Variants in NRXN2 observed in about 807,000 individuals in gnomAD.
The protein encoded by NRXN2 is neurexin 2.
A neutral mutation model predicts 128.8 loss-of-function variants in NRXN2; 29 were observed. That is an observed-to-expected ratio of 0.23 (90% CI 0.17 to 0.31). The LOEUF (loss-of-function observed/expected upper bound fraction) is 0.31. Ranked by LOEUF, NRXN2 falls within the 10% of genes least tolerant of loss-of-function variation. The probability of loss-of-function intolerance (pLI) is 1.00; values close to 1 mark genes in which losing one functional copy is unlikely to be tolerated. For synonymous variants in NRXN2, 1,098 were observed against 1,075.2 expected (o/e 1.02, Z -0.41); for missense variants, 1,881 against 2,452.6 (o/e 0.77, Z 4.92).
chr11:64,650,351 G>A (rs1179866468), intron 15 of NRXN2, 97 bp downstream of exon 15: 6 of 1,271,096 alleles, frequency 4.7e-6, no homozygotes, highest in Middle Eastern at 2.2e-4. Context: ...TGGGGGCAGG[G>A]AACCGAGGGA....
chr11:64,684,685 G>C (rs546096569), intron 6 of NRXN2, among the ~76,000 whole-genome samples: 7 of 152,304 alleles, frequency 4.6e-5, no homozygotes, highest in Non-Finnish European at 8.8e-5. Flanking sequence ...AGGATGACAG[G>C]AGGAGAGACA....
intron 17 of NRXN2, among the ~76,000 whole-genome samples, chr11:64,643,814 C>G (rs923258569): frequency 1.3e-5 from 2 of 151,980 alleles, no homozygotes; most frequent in African/African-American, 4.8e-5. Flanking sequence ...GAGAAGGGAC[C>G]CTGCTGAATA....
At position 64,650,654 on chromosome 11, in the gene NRXN2, G is replaced by A; in HGVS notation, c.2919-16C>T. The A allele has an allele frequency of 6.2e-7, 1 of 1,613,596 alleles. No homozygotes were observed. The highest frequency in any genetic ancestry group is 8.5e-7 in the Non-Finnish European group (1 of 1,179,538). ...GTGGATGTACCTGCCCCACAGTAGG[G>A]AGGAGACACTGGGTCAGGGCGGGGG... On this transcript the variant is annotated splice_polypyrimidine_tract_variant and intron_variant, in intron 14 of 22. Coordinates refer to ENST00000265459, the MANE Select transcript of NRXN2 (RefSeq NM_015080.4).
At chr11:64,676,960 AC>A (rs751937010) in intron 7 of NRXN2, 32 bp downstream of exon 7, 3 of 1,606,514 alleles carry the variant, frequency 1.9e-6, no homozygotes. Context: ...CCCACGGCAA[AC>A]CAAACGGTAA....
At position 64,642,303 on chromosome 11, in the gene NRXN2, G is replaced by T. The variant is rs2045806598; in HGVS notation, c.3403+5916C>A. 2.0e-5 allele frequency among the ~76,000 whole-genome samples: 3 copies of T among 151,996 alleles called. No individual in the cohort carries two copies. In the South Asian group the frequency reaches 6.2e-4, roughly 32 times the overall value. ...AAGCAGGTTTAGGTGAGGCCAGGAA[G>T]CAAAGTGCTGAAGACAGAGATGAGG... On this transcript the variant is annotated intron_variant, in intron 17 of 22. Transcript: ENST00000265459.
chr11:64,650,336 G>A, intron 15 of NRXN2, 112 bp downstream of exon 15: 2 of 1,095,424 alleles, frequency 1.8e-6, no homozygotes, highest in Non-Finnish European at 2.8e-6. Context: ...AAGAGAGGTG[G>A]AAACTGGGGG....
chr11:64,608,166 C>A, intron 22 of NRXN2, 84 bp from the exon 23 acceptor site: 2 of 1,012,094 alleles, frequency 2.0e-6, no homozygotes, highest in Non-Finnish European at 3.0e-6. Flanking sequence ...GAAACAACAG[C>A]CTCACACACC....
intron 2 of NRXN2, among the ~76,000 whole-genome samples, chr11:64,702,211 C>T (rs1419524699): frequency 6.6e-6 from 1 of 151,448 alleles, no homozygotes; most frequent in African/African-American, 2.4e-5. Flanking sequence ...CCAGCCGCCC[C>T]GTCCGGGAGG....
At chr11:64,716,030 G>A (rs1022639946) in intron 1 of NRXN2, among the ~76,000 whole-genome samples, 1 of 152,126 alleles carries the variant, frequency 6.6e-6, no homozygotes, top group Non-Finnish European at 1.5e-5. Context: ...AGAAGCGGTA[G>A]CCAAAGACCC....
intron 5 of NRXN2, chr11:64,688,898 T>C: frequency 2.7e-6 from 2 of 739,952 alleles, no homozygotes; most frequent in Non-Finnish European, 1.7e-6. Flanking sequence ...GCTCTACAGC[T>C]GTCTGTTCTG....
intron 3 of NRXN2, 77 bp downstream of exon 3, chr11:64,697,698 T>G (rs1592191107): frequency 6.4e-7 from 1 of 1,562,654 alleles, no homozygotes; most frequent in South Asian, 1.1e-5. Context: ...AGTCCTTGGG[T>G]AGCCAACGAC....
intron 9 of NRXN2, among the ~76,000 whole-genome samples, chr11:64,663,281 C>T (rs971281503): frequency 6.6e-6 from 1 of 151,744 alleles, no homozygotes; most frequent in African/African-American, 2.4e-5. Context: ...GCAAAAGAAT[C>T]GCTTAAACCT....
In NRXN2 at chr11:64,660,836, T is replaced by C. The variant is rs748029608; in HGVS notation, c.2102A>G (p.Asn701Ser). ...LKQCASAPCR[N>S]GGVCREGWNR... is the part of the protein sequence containing the mutation. ...CCAGCCTTCTCGACAGACGCCCCCATTGCGACAGGGGGCAGATGCACACTG... is the reference window on the plus strand; with the variant it reads ...CCAGCCTTCTCGACAGACGCCCCCACTGCGACAGGGGGCAGATGCACACTG... The change falls in exon 10 of 23, where the codon AAT becomes AGT. Residue 701 changes from asparagine to serine, a missense_variant. Asn to Ser is a conservative substitution (Grantham distance 46). This residue lies in a region of NRXN2 where 997 missense variants were observed against 1,240.8 expected (regional missense o/e 0.80). Coordinates refer to ENST00000265459, the MANE Select transcript of NRXN2 (RefSeq NM_015080.4). This position sits in a 1 kb window ranked among gnomAD's most constrained non-coding sequence, Gnocchi z 5.2. The C allele has an allele frequency of 1.2e-6, 2 of 1,613,996 alleles. No homozygotes were observed. The highest frequency in any genetic ancestry group is 1.1e-5 in the South Asian group (1 of 91,080).
chr11:64,627,096 C>T (rs1160069853), intron 19 of NRXN2, among the ~76,000 whole-genome samples: 1 of 152,090 alleles, frequency 6.6e-6, no homozygotes, highest in African/African-American at 2.4e-5. Flanking sequence ...CTCCAGGCCA[C>T]CTCAACTCCC....
In NRXN2 at chr11:64,667,007, T is replaced by C. The variant is rs1387510744; in HGVS notation, c.1798+243A>G. ...ACAGATAAGGAAACAGAGTCTCACATGCAGCAAGTAGGGGAGCTGAGGTGT... is the reference window on the plus strand; with the variant it reads ...ACAGATAAGGAAACAGAGTCTCACACGCAGCAAGTAGGGGAGCTGAGGTGT... On this transcript the variant is annotated intron_variant, in intron 9 of 22. Transcript: ENST00000265459. The surrounding 1 kb of genome is among the most constrained non-coding windows in gnomAD (Gnocchi z 5.6). Among the ~76,000 whole-genome samples the C allele has an allele frequency of 6.6e-6, 1 of 152,190 alleles. No homozygotes were observed. Among genetic ancestry groups the C allele is most frequent in the Non-Finnish European group, 1.5e-5 (1 of 68,040 alleles).
Position 64,667,099 on chromosome 11 carries a change from T to C in NRXN2, c.1798+151A>G, listed in dbSNP as rs923579914. ...CAATGTCCGATGACAGAAAGGACAA[T>C]TGGGAAGACGTGAGGGGGGTGGAGG... is the stretch of plus-strand genomic sequence containing the variant. On this transcript the variant is annotated intron_variant, in intron 9 of 22. Coordinates refer to ENST00000265459, the MANE Select transcript of NRXN2 (RefSeq NM_015080.4). This position sits in a 1 kb window ranked among gnomAD's most constrained non-coding sequence, Gnocchi z 5.6. 2 of 815,838 alleles carry C rather than the reference T, an allele frequency of 2.5e-6. No individual in the cohort carries two copies. Among genetic ancestry groups the C allele is most frequent in the Non-Finnish European group, 2.0e-6 (1 of 494,136 alleles). The allele number at this position is 815,838 out of a possible 1,614,324, so 50.5% of individuals were successfully genotyped here.
rs530183218 is a variant in NRXN2 at position 64,606,201 on chromosome 11, T to C, written c.*995A>G. 2 of 152,584 alleles carry C rather than the reference T, an allele frequency of 1.3e-5. No individual in the cohort carries two copies. The highest frequency in any genetic ancestry group is 3.9e-4 in the East Asian group (2 of 5,174). The allele number at this position is 152,584 out of a possible 1,614,324, so 9.5% of individuals were successfully genotyped here. ...GGAATTTGGAAAGTTTTTGTTTTCT[T>C]TTTCCCACACATTTCCGGGGTTGGG... On this transcript the variant is annotated 3_prime_UTR_variant, in exon 23 of 23. Transcript: ENST00000265459.
intron 17 of NRXN2, chr11:64,643,198 G>T: frequency 1.0e-6 from 1 of 974,682 alleles, no homozygotes. Flanking sequence ...AAATCCTGCG[G>T]AAAAACCGAG....
At position 64,623,210 on chromosome 11, in the gene NRXN2, C is replaced by T. The variant is rs149019797; in HGVS notation, c.3848-132G>A. The T allele has an allele frequency of 5.4e-4, 740 of 1,381,898 alleles. 1 individual carries two copies. In the African/African-American group the frequency reaches 6.4e-3, roughly 12 times the overall value. The allele number at this position is 1,381,898 out of a possible 1,614,324, so 85.6% of individuals were successfully genotyped here. ...AGAAAGCCAGTAAGGGAGGAGGGGA[C>T]GGGGAGAAATGAGGAAGGGGCAGAA... is the stretch of plus-strand genomic sequence containing the variant. On this transcript the variant is annotated intron_variant, in intron 20 of 22. Transcript: ENST00000265459. This position sits in a 1 kb window ranked among gnomAD's most constrained non-coding sequence, Gnocchi z 4.9.
Sources: gnomAD v4.1 joint callset for allele counts (sites outside exome capture counted in the v4.1 genomes callset) on GRCh38, gnomAD v4.1.1 for gene constraint, gnomAD v4.1.1 regional missense constraint, Gnocchi (gnomAD v3.1) non-coding constraint, MANE v1.5 for transcripts, NCBI Gene and HGNC (gene_info 2026-07-23, HGNC 2026-07-21) for gene names.